The following NSUN7 variants were observed in gnomAD, a reference collection of about 807,000 sequenced individuals.
NSUN7 encodes the protein NOP2/Sun RNA methyltransferase family member 7, also known as protein NSUN7.
A neutral mutation model predicts 58.5 loss-of-function variants in NSUN7; 39 were observed. The ratio of observed to expected loss-of-function variants is 0.67; its 90% CI spans 0.52 to 0.87. NSUN7 has a LOEUF of 0.87. Among genes scored for constraint, NSUN7 ranks in the 40% least tolerant of loss-of-function variants. NSUN7 has a pLI of 0.00. For missense variants in NSUN7, 765 were observed against 844.1 expected (o/e 0.91, Z 1.16); for synonymous variants, 278 against 303.7 (o/e 0.92, Z 0.88).
At chr4:40,760,570 A>C (rs1741401278) in intron 3 of NSUN7, 78 bp downstream of exon 3, 2 of 1,251,562 alleles carry the variant, frequency 1.6e-6, no homozygotes, top group African/African-American at 3.1e-5. Context: ...CTTTAGATTT[A>C]AATAGTTTGA....
intron 10 of NSUN7, among the ~76,000 whole-genome samples, chr4:40,802,520 A>C (rs4861313): frequency 0.2 from 29,734 of 152,050 alleles, 3,331 homozygotes; most frequent in East Asian, 0.35. Context: ...CTGGAGGGAC[A>C]CTTGGAGAGC....
intron 2 of NSUN7, among the ~76,000 whole-genome samples, chr4:40,754,005 T>A (rs1353039472): frequency 6.7e-6 from 1 of 148,766 alleles, no homozygotes; most frequent in South Asian, 2.1e-4. Flanking sequence ...CAGTCTCGGG[T>A]ATATCTTTAT....
At chr4:40,764,715 A>G (rs1234863846) in intron 4 of NSUN7, among the ~76,000 whole-genome samples, 4 of 152,074 alleles carry the variant, frequency 2.6e-5, no homozygotes, top group Middle Eastern at 3.2e-3. Context: ...AAGTGTTCCT[A>G]TTTCTCCACA....
intron 4 of NSUN7, among the ~76,000 whole-genome samples, chr4:40,765,912 G>A (rs1741701522): frequency 6.6e-6 from 1 of 152,212 alleles, no homozygotes; most frequent in South Asian, 2.1e-4. Context: ...GAATGCTTGT[G>A]ATATTTGTAC....
Position 40,780,926 on chromosome 4 carries a change from T to G in NSUN7, c.1036+4667T>G, listed in dbSNP as rs185462463. Among the ~76,000 whole-genome samples the G allele has an allele frequency of 1.3e-3, 200 of 150,302 alleles. 2 individuals carry two copies. In the East Asian group the frequency reaches 0.018, roughly 14 times the overall value. ...GCTCTGCCTCCCAGGTTCACACCATTCTTCTGCCTCAGCCTCCCAAGTAGC... is the reference window on the plus strand; with the variant it reads ...GCTCTGCCTCCCAGGTTCACACCATGCTTCTGCCTCAGCCTCCCAAGTAGC... On this transcript the variant is annotated intron_variant, in intron 7 of 11. Coordinates refer to ENST00000381782, the MANE Select transcript of NSUN7 (RefSeq NM_024677.6).
intron 2 of NSUN7, among the ~76,000 whole-genome samples, chr4:40,759,639 C>T (rs1741344876): frequency 6.6e-6 from 1 of 152,212 alleles, no homozygotes; most frequent in Non-Finnish European, 1.5e-5. Flanking sequence ...ACAGTTTCCA[C>T]TCATCAGCTG....
intron 8 of NSUN7, among the ~76,000 whole-genome samples, chr4:40,791,722 T>C (rs1186544571): frequency 1.3e-5 from 2 of 152,206 alleles, no homozygotes; most frequent in African/African-American, 4.8e-5. Flanking sequence ...CTGTTTTCTG[T>C]TTCTAGCAAG....
At chr4:40,796,476 C>T (rs1743328916) in intron 9 of NSUN7, among the ~76,000 whole-genome samples, 1 of 151,722 alleles carries the variant, frequency 6.6e-6, no homozygotes, top group African/African-American at 2.4e-5. Flanking sequence ...CCTGCCTCTA[C>T]AAAAAATAAA....
chr4:40,795,193 C>T (rs1743261599), intron 9 of NSUN7, among the ~76,000 whole-genome samples: 1 of 152,118 alleles, frequency 6.6e-6, no homozygotes, highest in Admixed American at 6.6e-5. Flanking sequence ...TGGGCATAGA[C>T]CCCATCTATA....
chr4:40,798,887 T>G lies in NSUN7; in HGVS notation c.1383T>G (p.Asn461Lys). ...CACTGGAATTTCAAGACCTTGGGAA[T>G]AAAGGACAACCTTACAGGTAAGAAA... ...KKALEFQDLG[N>K]KGQPYRLSPP... Residue 461 changes from asparagine (N) to lysine (K), a missense_variant, in exon 10 of 12, where the codon AAT becomes AAG. Coordinates refer to ENST00000381782, the MANE Select transcript of NSUN7 (RefSeq NM_024677.6). 6.3e-7 allele frequency: 1 copy of G among 1,596,322 alleles called. No individual in the cohort carries two copies. The highest frequency in any genetic ancestry group is 1.3e-5 in the African/African-American group (1 of 74,618).
rs757787900 is a variant in NSUN7 at position 40,750,754 on chromosome 4, C to A, written c.61C>A (p.Gln21Lys). ...CGAAGAAGATCCCGAGATCATCTCC[C>A]AACTCACTTCCCTGCCTCTGTCCGG... is the stretch of plus-strand genomic sequence containing the variant. ...SNEEDPEIIS[Q>K]LTSLPLSGGK... Residue 21 changes from glutamine (Q) to lysine (K), a missense_variant, in exon 2 of 12, where the codon CAA becomes AAA. Gln to Lys is a moderately conservative substitution (Grantham distance 53). Transcript: ENST00000381782. 9 of 1,614,056 alleles carry A rather than the reference C, an allele frequency of 5.6e-6. No individual in the cohort carries two copies. In the African/African-American group the frequency reaches 1.2e-4, roughly 22 times the overall value.
rs768166502 is a variant in NSUN7, at chr4:40,807,160, TTTTC to T, written c.1506_1509del (p.Ser503PhefsTer2). 17 of 1,548,244 alleles carry T rather than the reference TTTTC, an allele frequency of 1.1e-5. No individual in the cohort carries two copies. The South Asian group carries it at 1.9e-4, about 17-fold the overall frequency. ...AACCATCTGAAATTACCAATGGTTG[TTTTC>T]TTTCTATTTTAACAAGGGAGGTAAG... On this transcript the variant is annotated frameshift_variant, in exon 11 of 12. Transcript: ENST00000381782. LOFTEE classifies it low-confidence loss of function (END_TRUNC).
At chr4:40,770,191 C>G (rs1276081498) in intron 4 of NSUN7, among the ~76,000 whole-genome samples, 2 of 109,176 alleles carry the variant, frequency 1.8e-5, no homozygotes, top group South Asian at 5.5e-4. Context: ...GCCTAGATAA[C>G]AAGAGGGAAA....
intron 7 of NSUN7, among the ~76,000 whole-genome samples, chr4:40,781,065 G>A (rs756184389): frequency 6.6e-6 from 1 of 150,776 alleles, no homozygotes; most frequent in African/African-American, 2.4e-5. Flanking sequence ...TGATCCACCC[G>A]CCTCGGCATA....
chr4:40,760,361 A>C, intron 2 of NSUN7, 73 bp from the exon 3 acceptor site: 2 of 1,028,958 alleles, frequency 1.9e-6, no homozygotes, highest in Non-Finnish European at 3.0e-6. Flanking sequence ...GCATTATTAC[A>C]GTGTATTTTG....
chr4:40,780,754 T>TACACACAC (rs796117262), intron 7 of NSUN7, among the ~76,000 whole-genome samples: 145 of 104,234 alleles, frequency 1.4e-3, no homozygotes, highest in East Asian at 9.8e-3. Context: ...AACATTGAAA[T>TACACACAC]ACACACACAC....
intron 2 of NSUN7, among the ~76,000 whole-genome samples, chr4:40,759,191 A>G (rs1741318124): frequency 6.6e-6 from 1 of 151,658 alleles, no homozygotes; most frequent in Admixed American, 6.6e-5. Flanking sequence ...CACACCTGTA[A>G]TCCCAGCTGC....
At position 40,751,826 on chromosome 4, in the gene NSUN7, C is replaced by A. The variant is rs145131062; in HGVS notation, c.298+835C>A. Among the ~76,000 whole-genome samples, 13 of 152,082 alleles carry A rather than the reference C, an allele frequency of 8.5e-5. No individual in the cohort carries two copies. The East Asian group carries it at 2.5e-3, about 29-fold the overall frequency. Reference sequence around the variant, plus strand: ...CTGGGCATATAGTGAGATCTCCTCTCTACAAAAAAAAATTTAAAAATTAGC... The same window carrying A: ...CTGGGCATATAGTGAGATCTCCTCTATACAAAAAAAAATTTAAAAATTAGC... On this transcript the variant is annotated intron_variant, in intron 2 of 11. Transcript: ENST00000381782.
At chr4:40,783,070 A>G (rs960218506) in intron 7 of NSUN7, among the ~76,000 whole-genome samples, 1 of 152,228 alleles carries the variant, frequency 6.6e-6, no homozygotes, top group African/African-American at 2.4e-5. Flanking sequence ...TAAATGAGTC[A>G]TGAAAAAGAA....
Sources: gnomAD v4.1 joint callset for allele counts (sites outside exome capture counted in the v4.1 genomes callset) on GRCh38, gnomAD v4.1.1 for gene constraint, MANE v1.5 for transcripts, NCBI Gene and HGNC (gene_info 2026-07-23, HGNC 2026-07-21) for gene names.